The following MGLL variants were observed in gnomAD, a reference collection of about 807,000 sequenced individuals.
MGLL encodes the protein monoglyceride lipase.
MGLL carries 7 observed loss-of-function variants against 29.1 expected under a neutral mutation model. That is an observed-to-expected ratio of 0.24 (90% CI 0.14 to 0.45). The LOEUF (loss-of-function observed/expected upper bound fraction) is 0.45, where lower values mean the gene tolerates loss of function less well. MGLL is among the 20% of genes least tolerant of loss of function. The pLI, the probability that MGLL is intolerant of heterozygous loss-of-function variation, is 0.99. For synonymous variants in MGLL, 148 were observed against 168.3 expected (o/e 0.88, Z 0.93); for missense variants, 356 against 413.6 (o/e 0.86, Z 1.21).
rs191159297 is a variant in MGLL, at chr3:127,795,355, T to C, written c.156-13460A>G. The stretch of plus-strand genomic sequence containing the variant: ...GTGGGAGCTAAGCATTGAGTACACA[T>C]GGACATAAAGCTGGGAAAAACAGAC... On this transcript the variant is annotated intron_variant, in intron 2 of 7. Coordinates refer to ENST00000265052, the MANE Select transcript of MGLL (RefSeq NM_007283.7). Among the ~76,000 whole-genome samples the C allele has an allele frequency of 6.9e-5, 10 of 145,132 alleles. No homozygotes were observed. The South Asian group carries it at 1.1e-3, about 16-fold the overall frequency.
chr3:127,716,119 G>T (rs900345943), intron 5 of MGLL, among the ~76,000 whole-genome samples: 1 of 152,160 alleles, frequency 6.6e-6, no homozygotes, highest in Non-Finnish European at 1.5e-5. Context: ...GGATAATTTG[G>T]GGCCAAAACC....
intron 6 of MGLL, among the ~76,000 whole-genome samples, chr3:127,701,215 CAAAAAA>C (rs60128956): frequency 2.3e-4 from 13 of 56,442 alleles, no homozygotes; most frequent in African/African-American, 1.1e-3. Context: ...ACCCTGCCTC[CAAAAAA>C]AAAAAAAAAA....
intron 3 of MGLL, among the ~76,000 whole-genome samples, chr3:127,780,503 A>T (rs1025675364): frequency 1.3e-5 from 2 of 152,262 alleles, no homozygotes; most frequent in Admixed American, 6.5e-5. Context: ...TTTCTCAAAC[A>T]GTCTCACAAA....
At chr3:127,702,425 C>T (rs2075510035) in intron 6 of MGLL, among the ~76,000 whole-genome samples, 2 of 152,214 alleles carry the variant, frequency 1.3e-5, no homozygotes, top group Non-Finnish European at 2.9e-5. Flanking sequence ...CCACAGTGAC[C>T]TTACCCTGCC....
chr3:127,751,079 A>G (rs967276992), intron 3 of MGLL, among the ~76,000 whole-genome samples: 8 of 152,192 alleles, frequency 5.3e-5, no homozygotes, highest in South Asian at 2.1e-4. Context: ...CAAGACAATC[A>G]CCACCACCAC....
intron 3 of MGLL, among the ~76,000 whole-genome samples, chr3:127,731,243 C>T (rs2076144249): frequency 6.6e-6 from 1 of 151,832 alleles, no homozygotes; most frequent in Admixed American, 6.6e-5. Flanking sequence ...TGGATTCAAA[C>T]TCCTGGGCTC....
chr3:127,774,796 T>A (rs1274095426), intron 3 of MGLL, among the ~76,000 whole-genome samples: 1 of 152,168 alleles, frequency 6.6e-6, no homozygotes, highest in Non-Finnish European at 1.5e-5. Flanking sequence ...TGAATCTGAA[T>A]CCTGGGGTGG....
chr3:127,722,289 C>A, intron 4 of MGLL, 141 bp downstream of exon 4: 9 of 1,222,132 alleles, frequency 7.4e-6, no homozygotes, highest in Non-Finnish European at 1.1e-5. Context: ...TGCCCAGGAA[C>A]TCCAAGTGCA....
At chr3:127,737,803 C>G (rs1319425314) in intron 3 of MGLL, among the ~76,000 whole-genome samples, 3 of 151,672 alleles carry the variant, frequency 2.0e-5, no homozygotes, top group African/African-American at 7.3e-5. Flanking sequence ...CACCACCACA[C>G]CTGGCTAATT....
intron 3 of MGLL, among the ~76,000 whole-genome samples, chr3:127,726,190 A>AAAAGAAAAG (rs2076039451): frequency 1.0e-3 from 74 of 74,274 alleles, no homozygotes; most frequent in African/African-American, 3.7e-3. Context: ...GAAAGAAAAG[A>AAAAGAAAAG]AAAGAAAGAA....
rs1011395997 is a variant in MGLL, at chr3:127,766,735, T to C, written c.262+15054A>G. ...ATGACAAAAGATATTTGTAATGAGC[T>C]CTTTTCTTTCAAATATGAAGCCTTA... On this transcript the variant is annotated intron_variant, in intron 3 of 7. Coordinates refer to ENST00000265052, the MANE Select transcript of MGLL (RefSeq NM_007283.7). Among the ~76,000 whole-genome samples the C allele has an allele frequency of 3.9e-5, 6 of 152,286 alleles. No homozygotes were observed. In the East Asian group the frequency reaches 1.2e-3, roughly 29 times the overall value.
At chr3:127,722,340 G>C in intron 4 of MGLL, 90 bp downstream of exon 4, 1 of 1,553,632 alleles carries the variant, frequency 6.4e-7, no homozygotes, top group Non-Finnish European at 8.9e-7. Flanking sequence ...GCAGAGAGCA[G>C]TGGGGGGCAG....
In MGLL at chr3:127,690,213, G is replaced by A. The variant is rs2075217761; in HGVS notation, c.*1985C>T. 6.6e-6 allele frequency: 1 copy of A among 152,210 alleles called. No individual in the cohort carries two copies. The highest frequency in any genetic ancestry group is 1.5e-5 in the Non-Finnish European group (1 of 68,034). The allele number at this position is 152,210 out of a possible 1,614,324, so 9.4% of individuals were successfully genotyped here. On this transcript the variant is annotated 3_prime_UTR_variant, in exon 8 of 8. Coordinates refer to ENST00000265052, the MANE Select transcript of MGLL (RefSeq NM_007283.7). ...CTGCTTTTCCTGAGTTCCCATGGCT[G>A]CCCTGCTGCCGGGGCTGACTAAGCA...
chr3:127,701,615 G>T (rs1282921421), intron 6 of MGLL, among the ~76,000 whole-genome samples: 1 of 151,996 alleles, frequency 6.6e-6, no homozygotes, highest in Non-Finnish European at 1.5e-5. Context: ...TTGACCCCAG[G>T]GCCCTTGCAC....
chr3:127,692,533 G>A (rs986666883), intron 7 of MGLL, among the ~76,000 whole-genome samples: 1 of 152,148 alleles, frequency 6.6e-6, no homozygotes, highest in Non-Finnish European at 1.5e-5. Flanking sequence ...GTGTGTTCTC[G>A]AACTTCCTTT....
intron 6 of MGLL, 31 bp downstream of exon 6, chr3:127,710,545 G>C: frequency 6.6e-7 from 1 of 1,517,174 alleles, no homozygotes. Context: ...AGCCACCCAA[G>C]CTACCCCTGG....
rs184483408 is a variant in MGLL, at chr3:127,784,443, G to A, written c.156-2548C>T. 3.9e-5 allele frequency among the ~76,000 whole-genome samples: 6 copies of A among 152,310 alleles called. No individual in the cohort carries two copies. In the East Asian group the frequency reaches 7.7e-4, roughly 20 times the overall value. ...TAAGTGTGGTGAGAATGCAGCCATC[G>A]TAGAAACTTAGAGCAACCTTAGGGC... On this transcript the variant is annotated intron_variant, in intron 2 of 7. Transcript: ENST00000265052.
chr3:127,692,108 TTTTTTTTG>T lies in MGLL; in HGVS notation c.*82_*89del, dbSNP rs1325079223. 248 of 928,020 alleles carry T rather than the reference TTTTTTTTG, an allele frequency of 2.7e-4. No homozygotes were observed. The highest frequency in any genetic ancestry group is 7.2e-4 in the Middle Eastern group (2 of 2,764). 57.5% of individuals were successfully genotyped at this position (928,020 alleles called of 1,614,324 possible). On this transcript the variant is annotated 3_prime_UTR_variant, in exon 8 of 8. Transcript: ENST00000265052. ...TCCAATTTCTGATTTTTTTTTTTTT[TTTTTTTTG>T]GCAAGCCATATCTGAGAAGCCATCT... is the stretch of plus-strand genomic sequence containing the variant.
At position 127,692,116 on chromosome 3, in the gene MGLL, G is replaced by GAAA; in HGVS notation, c.*81_*82insTTT. The GAAA allele has an allele frequency of 3.8e-6, 2 of 530,898 alleles. No homozygotes were observed. Among genetic ancestry groups the GAAA allele is most frequent in the Non-Finnish European group, 5.8e-6 (2 of 345,464 alleles). The allele number at this position is 530,898 out of a possible 1,614,324, so 32.9% of individuals were successfully genotyped here. On this transcript the variant is annotated 3_prime_UTR_variant, in exon 8 of 8. Coordinates refer to ENST00000265052, the MANE Select transcript of MGLL (RefSeq NM_007283.7). ...CTGATTTTTTTTTTTTTTTTTTTTTGGCAAGCCATATCTGAGAAGCCATCT... is the reference window on the plus strand; with the variant it reads ...CTGATTTTTTTTTTTTTTTTTTTTTGAAAGCAAGCCATATCTGAGAAGCCATCT...
Sources: allele counts gnomAD v4.1 joint callset (sites outside exome capture counted in the v4.1 genomes callset), GRCh38; gene constraint gnomAD v4.1.1; transcripts MANE v1.5; gene names NCBI Gene and HGNC (gene_info 2026-07-23, HGNC 2026-07-21).